The following CNTNAP2 variants were observed in gnomAD, a reference collection of about 807,000 sequenced individuals.
CNTNAP2 encodes the protein contactin associated protein 2.
Under a neutral mutation model 155.2 loss-of-function variants are expected in CNTNAP2, and 98 were observed. The observed-to-expected ratio is 0.63, with a 90% CI of 0.54 to 0.75. The LOEUF is 0.75. Ranked by LOEUF, CNTNAP2 falls within the 30% of genes least tolerant of loss-of-function variation. The pLI, the probability that CNTNAP2 is intolerant of heterozygous loss-of-function variation, is 0.00. For synonymous variants in CNTNAP2, 651 were observed against 631.2 expected, an observed-to-expected ratio of 1.03 and a Z score of -0.47; for missense variants, 1,727 against 1,688.1, an observed-to-expected ratio of 1.02 and a Z score of -0.40.
At chr7:147,991,471 T>C (rs1372117641) in intron 15 of CNTNAP2, among the ~76,000 whole-genome samples, 1 of 152,200 alleles carries the variant, frequency 6.6e-6, no homozygotes, top group Non-Finnish European at 1.5e-5. Context: ...GCACAACTAT[T>C]TTTAACCTCA....
chr7:147,441,813 T>TCTC (rs1797639871), intron 10 of CNTNAP2, among the ~76,000 whole-genome samples: 13 of 102,164 alleles, frequency 1.3e-4, no homozygotes, highest in South Asian at 4.6e-4. Flanking sequence ...TGTAGTCTCT[T>TCTC]TCTCTCTCTC....
rs112337170 is a variant in CNTNAP2, at chr7:146,899,392, G to T, written c.402+59488G>T. Reference sequence around the variant, plus strand: ...CATTCCTGTCCTCAGCACATTCCAGGTGAGAGCCCCGAAACCTCTTCTTAT... The same window carrying T: ...CATTCCTGTCCTCAGCACATTCCAGTTGAGAGCCCCGAAACCTCTTCTTAT... On this transcript the variant is annotated intron_variant, in intron 3 of 23. Transcript: ENST00000361727. Among the ~76,000 whole-genome samples the T allele has an allele frequency of 7.2e-4, 109 of 152,212 alleles. 1 individual carries two copies. The highest frequency in any genetic ancestry group is 2.5e-3 in the African/African-American group (103 of 41,540).
intron 2 of CNTNAP2, among the ~76,000 whole-genome samples, chr7:146,783,843 CA>C (rs1369245880): frequency 1.3e-5 from 2 of 152,178 alleles, no homozygotes; most frequent in South Asian, 2.1e-4. Context: ...TGGAGAATCA[CA>C]GATCGTCTTT....
At chr7:147,899,905 AGAAAG>A (rs1301368817) in intron 13 of CNTNAP2, among the ~76,000 whole-genome samples, 31 of 139,294 alleles carry the variant, frequency 2.2e-4, no homozygotes, top group African/African-American at 2.6e-4. Flanking sequence ...AAAAAAAAAA[AGAAAG>A]AAAGAAAGAA....
At chr7:146,712,488 A>G (rs531730615) in intron 1 of CNTNAP2, among the ~76,000 whole-genome samples, 93 of 150,172 alleles carry the variant, frequency 6.2e-4, no homozygotes, top group African/African-American at 2.2e-3. Flanking sequence ...TGAAGAATAG[A>G]AAGTTTTTTT....
chr7:148,121,571 A>AGG (rs1489525868), intron 16 of CNTNAP2, among the ~76,000 whole-genome samples: 1 of 152,204 alleles, frequency 6.6e-6, no homozygotes, highest in African/African-American at 2.4e-5. Context: ...TCTTTCTGAT[A>AGG]GGAATTCACA....
At chr7:146,860,978 G>T (rs1795086832) in intron 3 of CNTNAP2, among the ~76,000 whole-genome samples, 1 of 152,010 alleles carries the variant, frequency 6.6e-6, no homozygotes, top group Non-Finnish European at 1.5e-5. Context: ...TAAAATTATA[G>T]GCTAGAATTT....
chr7:147,726,752 T>C (rs986509609), intron 13 of CNTNAP2, among the ~76,000 whole-genome samples: 10 of 152,062 alleles, frequency 6.6e-5, no homozygotes, highest in African/African-American at 2.4e-4. Context: ...CATACATTTC[T>C]GTTACATTAG....
Position 147,859,811 on chromosome 7 carries a change from C to T in CNTNAP2, c.2099-43754C>T, listed in dbSNP as rs186358847. Among the ~76,000 whole-genome samples, 80 of 152,170 alleles carry T rather than the reference C, an allele frequency of 5.3e-4. 1 individual carries two copies. The highest frequency in any genetic ancestry group is 1.8e-3 in the African/African-American group (76 of 41,508). ...TAAAGCAGATGGCAAATATTGCCCA[C>T]AGAATTGGTTATAGTATCATTATCC... On this transcript the variant is annotated intron_variant, in intron 13 of 23. Transcript: ENST00000361727.
chr7:147,755,159 G>A (rs1441380497), intron 13 of CNTNAP2, among the ~76,000 whole-genome samples: 3 of 152,152 alleles, frequency 2.0e-5, no homozygotes, highest in Non-Finnish European at 4.4e-5. Context: ...CTTGGATGGT[G>A]ACAGCTTAAG....
intron 1 of CNTNAP2, among the ~76,000 whole-genome samples, chr7:146,590,098 C>T (rs572570549): frequency 6.6e-6 from 1 of 152,270 alleles, no homozygotes; most frequent in South Asian, 2.1e-4. Flanking sequence ...GCTTCGTTGT[C>T]TTCTCACATT....
chr7:148,197,765 T>C (rs563646820), intron 18 of CNTNAP2, among the ~76,000 whole-genome samples: 1 of 152,322 alleles, frequency 6.6e-6, no homozygotes, highest in South Asian at 2.1e-4. Flanking sequence ...ATCGTGTTGC[T>C]AAAGCCAGCT....
chr7:147,183,060 G>C (rs1353813612), intron 8 of CNTNAP2, among the ~76,000 whole-genome samples: 1 of 151,806 alleles, frequency 6.6e-6, no homozygotes, highest in Non-Finnish European at 1.5e-5. Flanking sequence ...TTATGTTAGT[G>C]TGTCATCTAA....
intron 1 of CNTNAP2, among the ~76,000 whole-genome samples, chr7:146,200,935 G>A (rs897085973): frequency 6.6e-6 from 1 of 152,126 alleles, no homozygotes; most frequent in African/African-American, 2.4e-5. Context: ...TTAATGAAAA[G>A]TTTTTTGTTT....
intron 4 of CNTNAP2, among the ~76,000 whole-genome samples, chr7:147,074,795 A>G (rs1799963980): frequency 6.6e-6 from 1 of 152,134 alleles, no homozygotes. Flanking sequence ...GTATGTTTCT[A>G]TTGAAAGTGA....
At chr7:147,894,962 TTTC>T (rs1177972947) in intron 13 of CNTNAP2, among the ~76,000 whole-genome samples, 10,004 of 69,122 alleles carry the variant, frequency 0.14, 1,794 homozygotes, top group Non-Finnish European at 0.17. Context: ...TCTTTCTTTC[TTTC>T]TTTTTTTTTT....
intron 8 of CNTNAP2, among the ~76,000 whole-genome samples, chr7:147,264,724 A>G (rs997694647): frequency 6.6e-6 from 1 of 151,738 alleles, no homozygotes; most frequent in South Asian, 2.1e-4. Context: ...AGGTCACACA[A>G]GATTTCAAGC....
intron 21 of CNTNAP2, among the ~76,000 whole-genome samples, chr7:148,362,714 A>G (rs772970742): frequency 2.6e-5 from 4 of 152,208 alleles, no homozygotes; most frequent in South Asian, 2.1e-4. Flanking sequence ...GCCAAATTCA[A>G]TGCTGCTAAT....
Position 147,108,303 on chromosome 7 carries a change from T to G in CNTNAP2, c.707T>G (p.Ile236Ser), listed in dbSNP as rs749945304. The change falls in exon 5 of 24, where the codon ATT (isoleucine) becomes AGT (serine). Residue 236 changes from isoleucine (I) to serine (S), a missense_variant. Ile to Ser is a moderately radical substitution (Grantham distance 142, BLOSUM62 -2). Coordinates refer to ENST00000361727, the MANE Select transcript of CNTNAP2 (RefSeq NM_014141.6). ...GGAGAAGGACAGCAAGGAGATTACA[T>G]TACCTTGGAACTGAAAAAAGCCAAG... is the stretch of plus-strand genomic sequence containing the variant. ...LHGEGQQGDY[I>S]TLELKKAKLV... 4.3e-6 allele frequency: 7 copies of G among 1,613,628 alleles called. No individual in the cohort carries two copies. The African/African-American group carries it at 9.3e-5, about 22-fold the overall frequency.
Sources: allele counts gnomAD v4.1 joint callset (sites outside exome capture counted in the v4.1 genomes callset), GRCh38; gene constraint gnomAD v4.1.1; transcripts MANE v1.5; gene names NCBI Gene and HGNC (gene_info 2026-07-23, HGNC 2026-07-21).